DOLPP1: variants seen among roughly 807,000 people sequenced by gnomAD.
DOLPP1 encodes dolichyldiphosphatase 1, also known as dolichyl pyrophosphate phosphatase 1.
A neutral mutation model predicts 34.1 loss-of-function variants in DOLPP1; 15 were observed. That is an observed-to-expected ratio of 0.44 (90% CI 0.29 to 0.68). The LOEUF is 0.68. DOLPP1 is among the 30% of genes least tolerant of loss of function. DOLPP1 has a pLI of 0.12. For synonymous variants in DOLPP1, 130 were observed against 128.2 expected (o/e 1.01, Z -0.10); for missense variants, 249 against 307.1 (o/e 0.81, Z 1.41).
At chr9:129,082,194 C>T (rs888133202) in intron 1 of DOLPP1, among the ~76,000 whole-genome samples, 2 of 152,206 alleles carry the variant, frequency 1.3e-5, no homozygotes, top group Non-Finnish European at 2.9e-5. Context: ...CCTGCTCATG[C>T]TGCTGTCTTG....
chr9:129,085,589 C>T lies in DOLPP1; in HGVS notation c.434C>T (p.Ala145Val), dbSNP rs1184027543. 1.9e-6 allele frequency: 3 copies of T among 1,613,058 alleles called. No individual in the cohort carries two copies. Among genetic ancestry groups the T allele is most frequent in the African/African-American group, 1.3e-5 (1 of 74,896 alleles). ...CACGTGCTCTCCCTGGGACTCCTCG[C>T]TGTGGCCTTCCTAGTCTCCTACAGC... Reference protein sequence around the residue: ...WRHVLSLGLLAVAFLVSYSRV... With the variant: ...WRHVLSLGLLVVAFLVSYSRV... Residue 145 changes from alanine (A) to valine (V), a missense_variant, in exon 5 of 8, where the codon GCT (alanine) becomes GTT (valine). By Grantham distance (64) the Ala-to-Val change is moderately conservative. Coordinates refer to ENST00000372546, the MANE Select transcript of DOLPP1 (RefSeq NM_020438.5). The surrounding 1 kb of genome is among the most constrained non-coding windows in gnomAD (Gnocchi z 7.0).
chr9:129,084,901 G>A, intron 2 of DOLPP1, 122 bp from the exon 3 acceptor site: 1 of 1,291,448 alleles, frequency 7.7e-7, no homozygotes, highest in South Asian at 1.3e-5. Context: ...GGAGCCTCCT[G>A]GCTGGTTCTA....
Position 129,084,663 on chromosome 9 carries a change from GC to G in DOLPP1, c.77-3del. 6.3e-7 allele frequency: 1 copy of G among 1,595,140 alleles called. No homozygotes were observed. Among genetic ancestry groups the G allele is most frequent in the Non-Finnish European group, 8.6e-7 (1 of 1,162,508 alleles). On this transcript the variant is annotated splice_region_variant and splice_polypyrimidine_tract_variant and intron_variant, in intron 1 of 7. Coordinates refer to ENST00000372546, the MANE Select transcript of DOLPP1 (RefSeq NM_020438.5). ...TCCTCCTGATTCTGTTCTCTGTCTTGCCAGGTGATCTCTCTGGCCACCTCCT... is the reference window on the plus strand; with the variant it reads ...TCCTCCTGATTCTGTTCTCTGTCTTGCAGGTGATCTCTCTGGCCACCTCCT...
intron 6 of DOLPP1, 87 bp downstream of exon 6, chr9:129,086,354 C>A (rs899944181): frequency 6.7e-7 from 1 of 1,500,408 alleles, no homozygotes; most frequent in Non-Finnish European, 9.0e-7. Context: ...GGAGTCTTGA[C>A]CCCAGCCCCT....
At chr9:129,084,622 T>C in intron 1 of DOLPP1, 46 bp from the exon 2 acceptor site, 1 of 1,366,030 alleles carries the variant, frequency 7.3e-7, no homozygotes. Flanking sequence ...GTCCCTCTTC[T>C]GATGCCTGTG....
chr9:129,081,859 G>C (rs929649560), intron 1 of DOLPP1, among the ~76,000 whole-genome samples: 4 of 152,230 alleles, frequency 2.6e-5, no homozygotes, highest in Admixed American at 6.5e-5. Context: ...AGGCTGTCTA[G>C]TAAGAGTGGC....
intron 2 of DOLPP1, 62 bp from the exon 3 acceptor site, chr9:129,084,961 G>A: frequency 1.3e-6 from 2 of 1,523,760 alleles, no homozygotes; most frequent in Admixed American, 1.9e-5. Context: ...CATGGTCTTT[G>A]GGACTAGGTA....
intron 1 of DOLPP1, among the ~76,000 whole-genome samples, chr9:129,083,598 C>T (rs1317220876): frequency 6.6e-6 from 1 of 152,202 alleles, no homozygotes; most frequent in Non-Finnish European, 1.5e-5. Context: ...GACAACTTCC[C>T]TGCTGCTTGT....
chr9:129,085,344 C>G lies in DOLPP1; in HGVS notation c.362+38C>G. 8.8e-6 allele frequency: 14 copies of G among 1,586,674 alleles called. No homozygotes were observed. Among genetic ancestry groups the G allele is most frequent in the Non-Finnish European group, 1.2e-5 (14 of 1,155,244 alleles). On this transcript the variant is annotated intron_variant, in intron 4 of 7. Coordinates refer to ENST00000372546, the MANE Select transcript of DOLPP1 (RefSeq NM_020438.5). This position sits in a 1 kb window ranked among gnomAD's most constrained non-coding sequence, Gnocchi z 7.0. ...CCCGGTCAGGATGGCCCTGAACTTG[C>G]TCAGGCCGAGTTCTGCTAGGGACTC...
At chr9:129,082,169 G>A (rs1392311525) in intron 1 of DOLPP1, among the ~76,000 whole-genome samples, 1 of 152,206 alleles carries the variant, frequency 6.6e-6, no homozygotes, top group Non-Finnish European at 1.5e-5. Flanking sequence ...TTGAGCCCTG[G>A]TTGCCTGGGA....
chr9:129,086,027 G>A, intron 5 of DOLPP1, 112 bp from the exon 6 acceptor site: 1 of 1,058,812 alleles, frequency 9.4e-7, no homozygotes. Flanking sequence ...TCCTGTCTGT[G>A]TCTCCACATG....
Position 129,086,717 on chromosome 9 carries a change from C to G in DOLPP1, c.599C>G (p.Ser200Cys). ...GATGTCTGTCTCTCCAGGCCTGTCT[C>G]CGAGTTCTTCCTAATCCGAGACACA... The part of the protein sequence containing the change: ...LFPRIAAWPV[S>C]EFFLIRDTSL... Residue 200 changes from serine to cysteine, a missense_variant, in exon 7 of 8, where the codon TCC becomes TGC. Physicochemically the swap from Ser to Cys is moderately radical, Grantham distance 112 (BLOSUM62 -1). Coordinates refer to ENST00000372546, the MANE Select transcript of DOLPP1 (RefSeq NM_020438.5). 1.2e-6 allele frequency: 2 copies of G among 1,613,942 alleles called. No homozygotes were observed. The highest frequency in any genetic ancestry group is 2.2e-5 in the South Asian group (2 of 91,088).
At chr9:129,084,803 C>G (rs1473200583) in intron 2 of DOLPP1, 35 bp downstream of exon 2, 1 of 1,438,938 alleles carries the variant, frequency 6.9e-7, no homozygotes, top group South Asian at 1.1e-5. Flanking sequence ...CCCCACCCCA[C>G]CCCCAGTGCC....
chr9:129,086,241 C>T lies in DOLPP1; in HGVS notation c.564C>T (p.Thr188=). Residue 188 remains threonine (T), a synonymous_variant, in exon 6 of 8, where the codon ACC becomes ACT. Transcript: ENST00000372546. ...TCATCTTCACCCAGGAGGTCCTCAC[C>T]CCGCTGTTCCCCAGGATAGCAGCCT... ...AWFIFTQEVL[T]PLFPRIAAWP... 1.9e-6 allele frequency: 3 copies of T among 1,613,436 alleles called. No individual in the cohort carries two copies. Among genetic ancestry groups the T allele is most frequent in the Non-Finnish European group, 2.5e-6 (3 of 1,179,962 alleles).
rs1415463579 is a variant in DOLPP1 at position 129,090,078 on chromosome 9, G to C, written c.*1071G>C. 2.6e-5 allele frequency: 4 copies of C among 152,602 alleles called. No homozygotes were observed. 9.5% of individuals were successfully genotyped at this position (152,602 alleles called of 1,614,324 possible). On this transcript the variant is annotated 3_prime_UTR_variant, in exon 8 of 8. Coordinates refer to ENST00000372546, the MANE Select transcript of DOLPP1 (RefSeq NM_020438.5). ...CCCATCTCTAAGTCACTCTGAAAGG[G>C]AGTTGTGGAGAGGAGACGCCTCCAG...
At chr9:129,086,845 CT>C in intron 7 of DOLPP1, 47 bp downstream of exon 7, 1 of 1,550,662 alleles carries the variant, frequency 6.4e-7, no homozygotes, top group Non-Finnish European at 8.9e-7. Context: ...CACAGGCAGC[CT>C]CTGCCTCCAT....
rs749188046 is a variant in DOLPP1, at chr9:129,088,977, A to G, written c.687A>G (p.Arg229=). Residue 229 remains arginine (R), a synonymous_variant, in exon 8 of 8, where the codon AGA becomes AGG. Coordinates refer to ENST00000372546, the MANE Select transcript of DOLPP1 (RefSeq NM_020438.5). Reference sequence around the variant, plus strand: ...CCCCCATCCTGTTTTGCAGGAACAGACAACGCAAGCTGGGGACGAAACTGC... The same window carrying G: ...CCCCCATCCTGTTTTGCAGGAACAGGCAACGCAAGCTGGGGACGAAACTGC... ...YTVTRAEARN[R]QRKLGTKLQ 1.2e-6 allele frequency: 2 copies of G among 1,613,896 alleles called. No homozygotes were observed. Among genetic ancestry groups the G allele is most frequent in the Non-Finnish European group, 1.7e-6 (2 of 1,179,972 alleles).
rs1379135090 is a variant in DOLPP1, at chr9:129,090,111, G to A, written c.*1104G>A. ...GAGAGGAGACGCCTCCAGACTCTCA[G>A]AAGTTTTGAGGACTGAACTGGGTCA... On this transcript the variant is annotated 3_prime_UTR_variant, in exon 8 of 8. Coordinates refer to ENST00000372546, the MANE Select transcript of DOLPP1 (RefSeq NM_020438.5). The A allele has an allele frequency of 2.0e-5, 3 of 152,646 alleles. No individual in the cohort carries two copies. Among genetic ancestry groups the A allele is most frequent in the African/African-American group, 4.8e-5 (2 of 41,456 alleles). The allele number at this position is 152,646 out of a possible 1,614,324, so 9.5% of individuals were successfully genotyped here. A position where few individuals can be genotyped will look rare whatever the true frequency, so the allele number is the denominator to read the frequency against.
At chr9:129,084,804 C>A in intron 2 of DOLPP1, 36 bp downstream of exon 2, 1 of 1,451,006 alleles carries the variant, frequency 6.9e-7, no homozygotes, top group South Asian at 1.1e-5. Context: ...CCCACCCCAC[C>A]CCCAGTGCCC....
Sources: gnomAD v4.1 joint callset for allele counts (sites outside exome capture counted in the v4.1 genomes callset) on GRCh38, gnomAD v4.1.1 for gene constraint, Gnocchi (gnomAD v3.1) non-coding constraint, MANE v1.5 for transcripts, NCBI Gene and HGNC (gene_info 2026-07-23, HGNC 2026-07-21) for gene names.